Variants in IL1RAPL2 observed in about 807,000 individuals in gnomAD.
The protein encoded by IL1RAPL2 is X-linked interleukin-1 receptor accessory protein-like 2.
A neutral mutation model predicts 44.1 loss-of-function variants in IL1RAPL2; 3 were observed. The observed-to-expected ratio is 0.07, with a 90% CI of 0.03 to 0.18. The LOEUF is 0.18. IL1RAPL2 is among the 10% of genes least tolerant of loss of function. IL1RAPL2 has a pLI of 1.00. For missense variants in IL1RAPL2, 391 were observed against 496.4 expected, an observed-to-expected ratio of 0.79 and a Z score of 2.02; for synonymous variants, 181 against 178.8, an observed-to-expected ratio of 1.01 and a Z score of -0.10.
chrX:105,026,186 G>A (rs2031369765), intron 2 of IL1RAPL2, among the ~76,000 whole-genome samples: 1 of 110,949 alleles, frequency 9.0e-6, no homozygotes, highest in Non-Finnish European at 1.9e-5. Context: ...CCTCAGTTAG[G>A]CTAACCTTTA....
intron 1 of IL1RAPL2, among the ~76,000 whole-genome samples, chrX:104,596,161 G>A (rs112217849): frequency 0.05 from 5,508 of 110,692 alleles, 107 homozygotes; most frequent in Non-Finnish European, 0.076. Context: ...TTAATAATGA[G>A]ATCTAATACT....
rs759235742 is a variant in IL1RAPL2, at chrX:104,934,658, T to C, written c.83-260817T>C. ...AAACAACTAAAGCCATAATGAAGCA[T>C]ATATTTAAAAAAACAAAGTTTCCTG... On this transcript the variant is annotated intron_variant, in intron 2 of 10. Transcript: ENST00000372582. Among the ~76,000 whole-genome samples the C allele has an allele frequency of 1.3e-4, 15 of 111,786 alleles. No homozygotes were observed. In the South Asian group the frequency reaches 5.5e-3, roughly 41 times the overall value.
intron 1 of IL1RAPL2, among the ~76,000 whole-genome samples, chrX:104,637,331 G>A (rs966727030): frequency 1.8e-5 from 2 of 111,412 alleles, no homozygotes; most frequent in Non-Finnish European, 3.8e-5. Context: ...TTACCTGACT[G>A]TTCTGGCTAG....
intron 1 of IL1RAPL2, among the ~76,000 whole-genome samples, chrX:104,634,330 G>C (rs1213963078): frequency 1.8e-5 from 2 of 111,720 alleles, no homozygotes; most frequent in Non-Finnish European, 3.8e-5. Context: ...GTTGATTTGG[G>C]GTGGAGAGTT....
intron 2 of IL1RAPL2, among the ~76,000 whole-genome samples, chrX:105,134,301 G>A (rs2033055662): frequency 8.9e-6 from 1 of 112,178 alleles, no homozygotes; most frequent in South Asian, 3.7e-4. Context: ...AATAAAAGTT[G>A]TAGAACCAGT....
intron 2 of IL1RAPL2, among the ~76,000 whole-genome samples, chrX:104,918,100 A>G (rs1924518089): frequency 8.9e-6 from 1 of 112,210 alleles, no homozygotes; most frequent in Non-Finnish European, 1.9e-5. Flanking sequence ...TAACTATAGA[A>G]TTTTCCATGG....
At chrX:105,220,224 C>T (rs187750279) in intron 3 of IL1RAPL2, 4 of 1,210,158 alleles carry the variant, frequency 3.3e-6, no homozygotes, top group Non-Finnish European at 4.5e-6. Flanking sequence ...CACTGGGCAC[C>T]TCGCTGTCCT....
intron 2 of IL1RAPL2, among the ~76,000 whole-genome samples, chrX:104,784,505 C>A (rs1932788924): frequency 9.0e-6 from 1 of 111,386 alleles, no homozygotes; most frequent in Non-Finnish European, 1.9e-5. Flanking sequence ...AATAATAATG[C>A]TTACCTTGCA....
intron 6 of IL1RAPL2, among the ~76,000 whole-genome samples, chrX:105,614,851 T>G (rs2037361850): frequency 9.0e-6 from 1 of 111,084 alleles, no homozygotes; most frequent in Non-Finnish European, 1.9e-5. Flanking sequence ...GTTAAAAAAC[T>G]TCGGCACAGC....
At chrX:105,383,119 T>TA (rs199873029) in intron 5 of IL1RAPL2, among the ~76,000 whole-genome samples, 183 of 104,871 alleles carry the variant, frequency 1.7e-3, no homozygotes, top group African/African-American at 5.2e-3. Flanking sequence ...TAAAGTATAA[T>TA]AAAAAAAAAG....
intron 2 of IL1RAPL2, among the ~76,000 whole-genome samples, chrX:105,063,222 A>C (rs1753127202): frequency 8.9e-6 from 1 of 112,135 alleles, no homozygotes; most frequent in African/African-American, 3.2e-5. Context: ...CTATTAAAAG[A>C]ATGCATCAAA....
intron 3 of IL1RAPL2, among the ~76,000 whole-genome samples, chrX:105,208,194 C>A (rs1487759701): frequency 3.6e-5 from 4 of 111,447 alleles, no homozygotes; most frequent in Non-Finnish European, 7.5e-5. Flanking sequence ...ATGAAGGTTT[C>A]AGATGTTTTT....
intron 5 of IL1RAPL2, among the ~76,000 whole-genome samples, chrX:105,397,220 T>C (rs1245370008): frequency 9.0e-6 from 1 of 110,798 alleles, no homozygotes; most frequent in Non-Finnish European, 1.9e-5. Flanking sequence ...TATTATAATG[T>C]AATAATAATA....
At chrX:104,963,437 C>T (rs1293631396) in intron 2 of IL1RAPL2, among the ~76,000 whole-genome samples, 1 of 111,779 alleles carries the variant, frequency 8.9e-6, no homozygotes, top group East Asian at 2.8e-4. Context: ...GTATGTCCTG[C>T]ACACATCAGT....
chrX:105,730,770 G>A (rs989934796), intron 7 of IL1RAPL2, among the ~76,000 whole-genome samples: 1 of 111,446 alleles, frequency 9.0e-6, no homozygotes, highest in Non-Finnish European at 1.9e-5. Context: ...CAACGACTGA[G>A]TCAATGAAGA....
chrX:105,604,520 C>CA (rs199539147), intron 6 of IL1RAPL2, among the ~76,000 whole-genome samples: 2,050 of 100,806 alleles, frequency 0.02, 26 homozygotes, highest in Non-Finnish European at 0.026. Context: ...AGAAGTATGC[C>CA]AAAAAAAAAA....
intron 8 of IL1RAPL2, among the ~76,000 whole-genome samples, chrX:105,747,441 T>C (rs1052412533): frequency 3.1e-5 from 3 of 96,504 alleles, no homozygotes; most frequent in Non-Finnish European, 4.1e-5. Flanking sequence ...ACTCTCCTGA[T>C]TGGCTGTTCT....
At chrX:104,967,496 G>A (rs2030147929) in intron 2 of IL1RAPL2, among the ~76,000 whole-genome samples, 1 of 101,498 alleles carries the variant, frequency 9.9e-6, no homozygotes, top group Non-Finnish European at 2.0e-5. Flanking sequence ...CTAAAAGTTA[G>A]CAAAAGAACA....
At chrX:105,616,002 C>T (rs1183730572) in intron 6 of IL1RAPL2, among the ~76,000 whole-genome samples, 4 of 111,424 alleles carry the variant, frequency 3.6e-5, no homozygotes, top group Admixed American at 9.5e-5. Flanking sequence ...GTGAAAAAAG[C>T]ACATGAAACA....
Sources: gnomAD v4.1 joint callset for allele counts (sites outside exome capture counted in the v4.1 genomes callset) on GRCh38, gnomAD v4.1.1 for gene constraint, MANE v1.5 for transcripts, NCBI Gene and HGNC (gene_info 2026-07-23, HGNC 2026-07-21) for gene names.